PRKD2: variants seen among roughly 807,000 people sequenced by gnomAD.
PRKD2 encodes the protein serine/threonine-protein kinase D2.
Under a neutral mutation model 86.0 loss-of-function variants are expected in PRKD2, and 22 were observed. The ratio of observed to expected loss-of-function variants is 0.26; its 90% CI spans 0.18 to 0.37. The LOEUF (loss-of-function observed/expected upper bound fraction) is 0.37, where lower values mean the gene tolerates loss of function less well. PRKD2 is among the 10% of genes least tolerant of loss of function. The probability of loss-of-function intolerance (pLI) is 1.00; values close to 1 mark genes in which losing one functional copy is unlikely to be tolerated. For missense variants in PRKD2, 818 were observed against 1,199.2 expected (o/e 0.68, Z 4.70); for synonymous variants, 509 against 510.9 (o/e 1.00, Z 0.05).
In PRKD2 at chr19:46,714,021, T is replaced by C; in HGVS notation, c.241-20A>G. The C allele has an allele frequency of 6.2e-7, 1 of 1,610,656 alleles. No homozygotes were observed. Among genetic ancestry groups the C allele is most frequent in the Non-Finnish European group, 8.5e-7 (1 of 1,177,942 alleles). Reference sequence around the variant, plus strand: ...AGGGAACTGAGGGGCGGGAGAGGGATGTGGCGACGGAAAAGCTCAGAGCCG... The same window carrying C: ...AGGGAACTGAGGGGCGGGAGAGGGACGTGGCGACGGAAAAGCTCAGAGCCG... On this transcript the variant is annotated intron_variant, in intron 1 of 17. Coordinates refer to ENST00000291281, the MANE Select transcript of PRKD2 (RefSeq NM_016457.5).
At chr19:46,714,125 C>T in intron 1 of PRKD2, 124 bp from the exon 2 acceptor site, 1 of 1,427,398 alleles carries the variant, frequency 7.0e-7, no homozygotes, top group Non-Finnish European at 9.2e-7. Context: ...CCCCGCAGGC[C>T]CTCGCTTCCT....
chr19:46,703,747 G>A (rs370751122), intron 5 of PRKD2, among the ~76,000 whole-genome samples: 161 of 151,466 alleles, frequency 1.1e-3, no homozygotes, highest in African/African-American at 3.8e-3. Flanking sequence ...ACTCCAGCCT[G>A]GGCGACAGAG....
Position 46,678,785 on chromosome 19 carries a change from C to G in PRKD2, c.2071-122G>C. Reference sequence around the variant, plus strand: ...CTGGATGCTGGTTTGAATCCAGGCTCCTTGGCTCACTAGCTGAGCAACCCT... The same window carrying G: ...CTGGATGCTGGTTTGAATCCAGGCTGCTTGGCTCACTAGCTGAGCAACCCT... On this transcript the variant is annotated intron_variant, in intron 15 of 17. Transcript: ENST00000291281. The surrounding 1 kb of genome is among the most constrained non-coding windows in gnomAD (Gnocchi z 5.7). The G allele has an allele frequency of 8.2e-7, 1 of 1,224,824 alleles. No homozygotes were observed. Among genetic ancestry groups the G allele is most frequent in the Non-Finnish European group, 1.1e-6 (1 of 895,558 alleles). 75.9% of individuals were successfully genotyped at this position (1,224,824 alleles called of 1,614,324 possible).
intron 7 of PRKD2, 56 bp from the exon 8 acceptor site, chr19:46,697,906 T>TG (rs1846085910): frequency 7.1e-7 from 1 of 1,399,134 alleles, no homozygotes; most frequent in African/African-American, 1.4e-5. Flanking sequence ...CCATGCTGCT[T>TG]GGGAATGCAG....
Position 46,681,658 on chromosome 19 carries a change from A to T in PRKD2, c.2062T>A (p.Phe688Ile), listed in dbSNP as rs1311268655. The T allele has an allele frequency of 9.9e-6, 16 of 1,608,372 alleles. No individual in the cohort carries two copies. Among genetic ancestry groups the T allele is most frequent in the Non-Finnish European group, 1.4e-5 (16 of 1,176,598 alleles). ...GAGGGGACATAACTGACCTGAGGAA[A>T]TGGGTCTGCTGATGCCAGCAACACG... Reference protein sequence around the residue: ...ENVLLASADPFPQVKLCDFGF... With the variant: ...ENVLLASADPIPQVKLCDFGF... Residue 688 changes from phenylalanine to isoleucine, a missense_variant, in exon 15 of 18, where the codon TTT becomes ATT. This residue lies in a region of PRKD2 where 154 missense variants were observed against 359.6 expected (regional missense o/e 0.43). Transcript: ENST00000291281.
chr19:46,700,271 C>T (rs938736033), intron 7 of PRKD2, among the ~76,000 whole-genome samples: 2 of 151,980 alleles, frequency 1.3e-5, no homozygotes, highest in African/African-American at 2.4e-5. Context: ...TCCCTGTAGT[C>T]CCAGATACTC....
In PRKD2 at chr19:46,674,335, G is replaced by A. The variant is rs2053162109; in HGVS notation, c.*188C>T. On this transcript the variant is annotated 3_prime_UTR_variant, in exon 18 of 18. Coordinates refer to ENST00000291281, the MANE Select transcript of PRKD2 (RefSeq NM_016457.5). ...GCCGTGTGCTGAGATCAAGGCCATGGGGCCAGAGATGAGTCCGTTTTAATT... is the reference window on the plus strand; with the variant it reads ...GCCGTGTGCTGAGATCAAGGCCATGAGGCCAGAGATGAGTCCGTTTTAATT... 8.1e-6 allele frequency: 5 copies of A among 618,304 alleles called. No individual in the cohort carries two copies. Among genetic ancestry groups the A allele is most frequent in the Admixed American group, 6.2e-5 (2 of 32,490 alleles). 38.3% of individuals were successfully genotyped at this position (618,304 alleles called of 1,614,324 possible).
chr19:46,706,504 C>T (rs982352248), intron 3 of PRKD2, among the ~76,000 whole-genome samples: 1 of 152,204 alleles, frequency 6.6e-6, no homozygotes, highest in African/African-American at 2.4e-5. Flanking sequence ...CAGTGTTGGC[C>T]TTGAATCACT....
chr19:46,701,141 T>G (rs780233552), intron 5 of PRKD2, 29 bp from the exon 6 acceptor site: 5 of 1,607,054 alleles, frequency 3.1e-6, no homozygotes, highest in Non-Finnish European at 4.3e-6. Flanking sequence ...AGGGAACGGG[T>G]GAGAAGGGGA....
chr19:46,714,275 C>T (rs1427701380), intron 1 of PRKD2: 31 of 1,216,772 alleles, frequency 2.5e-5, no homozygotes, highest in African/African-American at 3.1e-5. Context: ...AGCGTGGACA[C>T]CTCGAATTTT....
intron 15 of PRKD2, among the ~76,000 whole-genome samples, chr19:46,679,626 A>C (rs1029748668): frequency 2.0e-5 from 3 of 151,622 alleles, no homozygotes; most frequent in African/African-American, 7.3e-5. Flanking sequence ...CCTTTCCTTC[A>C]TTGTTTTATT....
chr19:46,682,778 T>G (rs1209727180), intron 14 of PRKD2, among the ~76,000 whole-genome samples: 1 of 144,932 alleles, frequency 6.9e-6, no homozygotes, highest in Admixed American at 7.2e-5. Context: ...GGATCACAGC[T>G]CACTGCACCT....
At chr19:46,681,583 T>TGCCC in intron 15 of PRKD2, 67 bp downstream of exon 15, 3 of 671,502 alleles carry the variant, frequency 4.5e-6, no homozygotes, top group East Asian at 3.6e-5. Flanking sequence ...ATAATCCCCT[T>TGCCC]CCCCACCCCC....
At chr19:46,715,992 G>A in intron 1 of PRKD2, 139 bp downstream of exon 1, 7 of 1,321,764 alleles carry the variant, frequency 5.3e-6, no homozygotes, top group Non-Finnish European at 6.0e-6. Context: ...ATGGAGGGGG[G>A]CAATGCCCCC....
chr19:46,675,050 TGA>T lies in PRKD2; in HGVS notation c.2405_2406del (p.Leu802GlnfsTer29), dbSNP rs1364372540. The T allele has an allele frequency of 1.2e-6, 2 of 1,609,694 alleles. No individual in the cohort carries two copies. Among genetic ancestry groups the T allele is most frequent in the Non-Finnish European group, 1.7e-6 (2 of 1,177,578 alleles). On this transcript the variant is annotated frameshift_variant, in exon 17 of 18. Coordinates refer to ENST00000291281, the MANE Select transcript of PRKD2 (RefSeq NM_016457.5). LOFTEE classifies it low-confidence loss of function (END_TRUNC). ...TGCATCACCTGTAACCAGGGGTGGC[TGA>T]GAGATTTGTCCACGCTGTAGCGTTT... ...MRKRYSVDKS[L>X]SHPWLQEYQT... is the part of the protein sequence containing the mutation.
In PRKD2 at chr19:46,707,597, C is replaced by A. The variant is rs576162005; in HGVS notation, c.512-2948G>T. On this transcript the variant is annotated intron_variant, in intron 3 of 17. Coordinates refer to ENST00000291281, the MANE Select transcript of PRKD2 (RefSeq NM_016457.5). ...GGAGCAAGACTCTGTCTCACACACA[C>A]AAAACAATGGAGCCACAGGGTCTCA... Among the ~76,000 whole-genome samples the A allele has an allele frequency of 3.6e-4, 54 of 151,442 alleles. 1 individual carries two copies. The highest frequency in any genetic ancestry group is 6.9e-3 in the Middle Eastern group (2 of 290).
rs1225619651 is a variant in PRKD2, at chr19:46,675,184, C to T, written c.2339-66G>A. ...GGGTCACTCCTCCTCCAATAGGCAC[C>T]CCCTAGCCTACCTGCCTGCCATCAA... is the stretch of plus-strand genomic sequence containing the variant. On this transcript the variant is annotated intron_variant, in intron 16 of 17. Coordinates refer to ENST00000291281, the MANE Select transcript of PRKD2 (RefSeq NM_016457.5). The T allele has an allele frequency of 2.5e-5, 34 of 1,384,810 alleles. No homozygotes were observed. In the Admixed American group the frequency reaches 5.3e-4, roughly 21 times the overall value. The allele number at this position is 1,384,810 out of a possible 1,614,324, so 85.8% of individuals were successfully genotyped here.
chr19:46,703,050 C>T (rs988505512), intron 5 of PRKD2, among the ~76,000 whole-genome samples: 1 of 152,062 alleles, frequency 6.6e-6, no homozygotes, highest in Non-Finnish European at 1.5e-5. Context: ...TTCTAGGTTA[C>T]GATGGTTTCA....
chr19:46,681,795 G>T (rs2122581030), intron 14 of PRKD2, 47 bp from the exon 15 acceptor site: 1 of 1,274,908 alleles, frequency 7.8e-7, no homozygotes, highest in Non-Finnish European at 1.1e-6. Flanking sequence ...TAGGTACTCA[G>T]CCAAATCCCA....
Sources: allele counts gnomAD v4.1 joint callset (sites outside exome capture counted in the v4.1 genomes callset), GRCh38; gene constraint gnomAD v4.1.1; regional missense constraint gnomAD v4.1.1; non-coding constraint Gnocchi (gnomAD v3.1); transcripts MANE v1.5; gene names NCBI Gene and HGNC (gene_info 2026-07-23, HGNC 2026-07-21).